PCDHGA2: variants seen among roughly 807,000 people sequenced by gnomAD.
PCDHGA2 encodes the protein protocadherin gamma-A2.
A neutral mutation model predicts 59.2 loss-of-function variants in PCDHGA2; 40 were observed. The observed-to-expected ratio is 0.68, with a 90% CI of 0.52 to 0.88. The LOEUF is 0.88. Among genes scored for constraint, PCDHGA2 ranks in the 40% least tolerant of loss-of-function variants. The pLI is 0.00. For synonymous variants in PCDHGA2, 560 were observed against 526.0 expected, an observed-to-expected ratio of 1.06 and a Z score of -0.89; for missense variants, 1,226 against 1,204.0, an observed-to-expected ratio of 1.02 and a Z score of -0.27.
intron 1 of PCDHGA2, chr5:141,422,638 T>G (rs1412270971): frequency 6.2e-7 from 1 of 1,612,392 alleles, no homozygotes. Context: ...CAGGGGTGCC[T>G]CCATCTTCTC....
intron 1 of PCDHGA2, chr5:141,365,522 G>A (rs771198048): frequency 1.9e-6 from 3 of 1,613,770 alleles, no homozygotes; most frequent in African/African-American, 1.3e-5. Context: ...GGAGAAGTCA[G>A]TTGATAATTA....
Position 141,409,613 on chromosome 5 carries a change from A to T in PCDHGA2, c.2424+68218A>T, listed in dbSNP as rs370495173. 6.6e-5 allele frequency: 107 copies of T among 1,613,738 alleles called. 1 individual carries two copies. The South Asian group carries it at 1.1e-3, about 17-fold the overall frequency. ...CGAGAACAACCCGCCAGGAGCCTCC[A>T]TTGCGCAAGTGAGCGCCTCTGACCC... On this transcript the variant is annotated intron_variant, in intron 1 of 3. Transcript: ENST00000394576.
intron 1 of PCDHGA2, chr5:141,420,165 C>T: frequency 6.2e-7 from 1 of 1,614,022 alleles, no homozygotes; most frequent in South Asian, 1.1e-5. Flanking sequence ...AATTTTTTCA[C>T]ATCTGTTGAT....
At chr5:141,450,772 C>T (rs544188262) in intron 1 of PCDHGA2, among the ~76,000 whole-genome samples, 1 of 151,944 alleles carries the variant, frequency 6.6e-6, no homozygotes, top group African/African-American at 2.4e-5. Flanking sequence ...CAGGCATGAG[C>T]CACCGTGCCC....
At position 141,340,527 on chromosome 5, in the gene PCDHGA2, C is replaced by T; in HGVS notation, c.1556C>T (p.Ser519Phe). The T allele has an allele frequency of 3.1e-6, 5 of 1,614,256 alleles. No individual in the cohort carries two copies. In the Admixed American group the frequency reaches 8.3e-5, roughly 27 times the overall value. The change falls in exon 1 of 4, where the codon TCC (serine) becomes TTC (phenylalanine). Residue 519 changes from serine (S) to phenylalanine (F), a missense_variant. Coordinates refer to ENST00000394576, the MANE Select transcript of PCDHGA2 (RefSeq NM_018915.4). ...SDTGVLYALR[S>F]FDYEQLRDLQ... ...ACTGGAGTACTCTATGCACTGCGCTCCTTTGATTATGAGCAGTTGCGAGAC... is the reference window on the plus strand; with the variant it reads ...ACTGGAGTACTCTATGCACTGCGCTTCTTTGATTATGAGCAGTTGCGAGAC...
In PCDHGA2 at chr5:141,491,091, A is replaced by T; in HGVS notation, c.2425-3716A>T. ...TGTTGCCACAGTCCACAGCCCCAGG[A>T]CTGTTCCTCGTGTCTACACACACTG... On this transcript the variant is annotated intron_variant, in intron 1 of 3. Transcript: ENST00000394576. This position sits in a 1 kb window ranked among gnomAD's most constrained non-coding sequence, Gnocchi z 6.9. The T allele has an allele frequency of 6.2e-7, 1 of 1,614,032 alleles. No individual in the cohort carries two copies. Among genetic ancestry groups the T allele is most frequent in the Non-Finnish European group, 8.5e-7 (1 of 1,180,000 alleles).
In PCDHGA2 at chr5:141,374,330, A is replaced by G. The variant is rs774789215; in HGVS notation, c.2424+32935A>G. Reference sequence around the variant, plus strand: ...TTTCTCTCTGAATCCGCGAAACGGCAGCTTGGTCACCGCGGGTAGGATAGA... The same window carrying G: ...TTTCTCTCTGAATCCGCGAAACGGCGGCTTGGTCACCGCGGGTAGGATAGA... On this transcript the variant is annotated intron_variant, in intron 1 of 3. Coordinates refer to ENST00000394576, the MANE Select transcript of PCDHGA2 (RefSeq NM_018915.4). 138 of 1,613,872 alleles carry G rather than the reference A, an allele frequency of 8.6e-5. No homozygotes were observed. Among genetic ancestry groups the G allele is most frequent in the Non-Finnish European group, 1.1e-4 (130 of 1,179,866 alleles).
At chr5:141,430,680 C>G (rs990086941) in intron 1 of PCDHGA2, 8 of 1,343,124 alleles carry the variant, frequency 6.0e-6, no homozygotes, top group Non-Finnish European at 8.0e-6. Context: ...TCCCAACTGT[C>G]CCATTCTATG....
chr5:141,374,437 C>A (rs549456032), intron 1 of PCDHGA2: 1 of 1,613,846 alleles, frequency 6.2e-7, no homozygotes, highest in South Asian at 1.1e-5. Flanking sequence ...ATCTTTATCC[C>A]GTGGAAGTGG....
intron 1 of PCDHGA2, chr5:141,422,932 C>G: frequency 6.2e-7 from 1 of 1,614,252 alleles, no homozygotes; most frequent in Non-Finnish European, 8.5e-7. Context: ...CCCTGCCCTC[C>G]CCACAGACGG....
At position 141,491,251 on chromosome 5, in the gene PCDHGA2, C is replaced by A; in HGVS notation, c.2425-3556C>A. On this transcript the variant is annotated intron_variant, in intron 1 of 3. Coordinates refer to ENST00000394576, the MANE Select transcript of PCDHGA2 (RefSeq NM_018915.4). This position sits in a 1 kb window ranked among gnomAD's most constrained non-coding sequence, Gnocchi z 6.9. ...GCTGCTGGTTCTGGAGGATGAGGAC[C>A]CTGAGGAAATGCCCAAATCCAGTGA... 6.2e-7 allele frequency: 1 copy of A among 1,614,144 alleles called. No homozygotes were observed. Among genetic ancestry groups the A allele is most frequent in the Non-Finnish European group, 8.5e-7 (1 of 1,180,016 alleles).
At chr5:141,413,357 G>C in intron 1 of PCDHGA2, 1 of 1,613,992 alleles carries the variant, frequency 6.2e-7, no homozygotes, top group Non-Finnish European at 8.5e-7. Context: ...CTGGCGCCCC[G>C]GGAGCTGGCG....
At chr5:141,423,102 C>T (rs778561065) in intron 1 of PCDHGA2, 7 of 1,613,920 alleles carry the variant, frequency 4.3e-6, no homozygotes, top group Non-Finnish European at 4.2e-6. Context: ...AGCACACGGG[C>T]GAGGTGCGTA....
At chr5:141,466,054 G>A (rs2099115921) in intron 1 of PCDHGA2, among the ~76,000 whole-genome samples, 1 of 152,080 alleles carries the variant, frequency 6.6e-6, no homozygotes, top group Non-Finnish European at 1.5e-5. Context: ...CCCAGGAGAC[G>A]GAGCTTGCAG....
Position 141,398,085 on chromosome 5 carries a change from T to C in PCDHGA2, c.2424+56690T>C, listed in dbSNP as rs140389005. 4,220 of 1,598,288 alleles carry C rather than the reference T, an allele frequency of 2.6e-3. 81 individuals carry two copies. In the African/African-American group the frequency reaches 0.047, roughly 18 times the overall value. ...TACAATACAGAGGTTATTTGTAACCTGGCGTCTCCAGGCTGGTGAGCAAGC... is the reference window on the plus strand; with the variant it reads ...TACAATACAGAGGTTATTTGTAACCCGGCGTCTCCAGGCTGGTGAGCAAGC... On this transcript the variant is annotated intron_variant, in intron 1 of 3. Coordinates refer to ENST00000394576, the MANE Select transcript of PCDHGA2 (RefSeq NM_018915.4).
rs1182148013 is a variant in PCDHGA2 at position 141,431,510 on chromosome 5, G to A, written c.2425-63297G>A. 2 of 1,613,904 alleles carry A rather than the reference G, an allele frequency of 1.2e-6. No individual in the cohort carries two copies. Among genetic ancestry groups the A allele is most frequent in the Admixed American group, 1.7e-5 (1 of 60,016 alleles). Reference sequence around the variant, plus strand: ...TGCTCAGCCCGAGTACCGCGCGAGCGTTCCGGAGAATCTGGCCTTGGGCAC... The same window carrying A: ...TGCTCAGCCCGAGTACCGCGCGAGCATTCCGGAGAATCTGGCCTTGGGCAC... On this transcript the variant is annotated intron_variant, in intron 1 of 3. Coordinates refer to ENST00000394576, the MANE Select transcript of PCDHGA2 (RefSeq NM_018915.4). The surrounding 1 kb of genome is among the most constrained non-coding windows in gnomAD (Gnocchi z 4.8).
At chr5:141,376,273 T>A in intron 1 of PCDHGA2, 2 of 1,614,102 alleles carry the variant, frequency 1.2e-6, no homozygotes, top group Non-Finnish European at 1.7e-6. Flanking sequence ...CTTCGGGAGG[T>A]GGCTTAGCGA....
intron 1 of PCDHGA2, chr5:141,343,122 A>G (rs918115736): frequency 1.2e-4 from 24 of 202,550 alleles, no homozygotes; most frequent in Non-Finnish European, 1.5e-4. Context: ...GTTTGCTTTT[A>G]TATCCTTATA....
At position 141,355,356 on chromosome 5, in the gene PCDHGA2, G is replaced by A. The variant is rs1206306713; in HGVS notation, c.2424+13961G>A. On this transcript the variant is annotated intron_variant, in intron 1 of 3. Transcript: ENST00000394576. The stretch of plus-strand genomic sequence containing the variant: ...TGGTGGGCAACATCGCCAAGGACCT[G>A]GGGTTGGCGCCCCGGGAGCTGGCGG... 7 of 1,614,044 alleles carry A rather than the reference G, an allele frequency of 4.3e-6. No individual in the cohort carries two copies. In the East Asian group the frequency reaches 1.1e-4, roughly 26 times the overall value.
Sources: gnomAD v4.1 joint callset for allele counts (sites outside exome capture counted in the v4.1 genomes callset) on GRCh38, gnomAD v4.1.1 for gene constraint, Gnocchi (gnomAD v3.1) non-coding constraint, MANE v1.5 for transcripts, NCBI Gene and HGNC (gene_info 2026-07-23, HGNC 2026-07-21) for gene names.